Variants in PPP1R14C observed in about 807,000 individuals in gnomAD.
The protein encoded by PPP1R14C is protein phosphatase 1 regulatory subunit 14C.
Under a neutral mutation model 20.4 loss-of-function variants are expected in PPP1R14C, and 16 were observed. The observed-to-expected ratio is 0.78, with a 90% CI of 0.53 to 1.19. The LOEUF is 1.19. PPP1R14C is among the 50% of genes most tolerant of loss of function. The pLI is 0.00. For synonymous variants in PPP1R14C, 91 were observed against 91.0 expected (o/e 1.00, Z 0.00); for missense variants, 211 against 220.1 (o/e 0.96, Z 0.26).
chr6:150,147,972 G>T (rs980901044), intron 1 of PPP1R14C, among the ~76,000 whole-genome samples: 1 of 152,144 alleles, frequency 6.6e-6, no homozygotes, highest in East Asian at 1.9e-4. Flanking sequence ...GAGTCATAGG[G>T]TACCACTTAA....
chr6:150,192,830 C>A (rs1777762368), intron 1 of PPP1R14C, among the ~76,000 whole-genome samples: 1 of 152,288 alleles, frequency 6.6e-6, no homozygotes, highest in Middle Eastern at 3.4e-3. Context: ...ACCTACAGGT[C>A]TGGCTTCTTG....
intron 1 of PPP1R14C, among the ~76,000 whole-genome samples, chr6:150,206,401 G>A (rs1777951074): frequency 6.6e-6 from 1 of 152,172 alleles, no homozygotes; most frequent in South Asian, 2.1e-4. Context: ...TGCCTGGCAG[G>A]TAGTAGGTGC....
intron 1 of PPP1R14C, among the ~76,000 whole-genome samples, chr6:150,193,184 A>G (rs1164810216): frequency 2.6e-5 from 4 of 152,274 alleles, no homozygotes; most frequent in African/African-American, 7.2e-5. Context: ...CTGATTATCC[A>G]AATCACCGAG....
intron 3 of PPP1R14C, among the ~76,000 whole-genome samples, chr6:150,226,645 T>C (rs1778234040): frequency 1.3e-5 from 2 of 152,200 alleles, no homozygotes; most frequent in Non-Finnish European, 2.9e-5. Flanking sequence ...TCTCTTTTTA[T>C]AGCTGAAGAT....
chr6:150,219,135 T>G (rs576500837), intron 3 of PPP1R14C, among the ~76,000 whole-genome samples: 1 of 152,306 alleles, frequency 6.6e-6, no homozygotes, highest in African/African-American at 2.4e-5. Context: ...TAAACAAATG[T>G]TTTTCACTGT....
chr6:150,171,386 A>G (rs1220148026), intron 1 of PPP1R14C, among the ~76,000 whole-genome samples: 10 of 152,246 alleles, frequency 6.6e-5, no homozygotes, highest in East Asian at 1.9e-4. Context: ...TTGTTTGAGC[A>G]TAACAACAAT....
At chr6:150,179,675 G>A (rs1166950542) in intron 1 of PPP1R14C, among the ~76,000 whole-genome samples, 2 of 151,872 alleles carry the variant, frequency 1.3e-5, no homozygotes, top group African/African-American at 4.8e-5. Flanking sequence ...TATCCATGAA[G>A]GCTCTCTTAC....
chr6:150,233,776 CATTT>C (rs1778320351), intron 3 of PPP1R14C, among the ~76,000 whole-genome samples: 1 of 152,150 alleles, frequency 6.6e-6, no homozygotes, highest in Non-Finnish European at 1.5e-5. Context: ...AATTTGTATT[CATTT>C]ATTTTCCACC....
At chr6:150,191,019 G>T (rs1488511200) in intron 1 of PPP1R14C, among the ~76,000 whole-genome samples, 2 of 152,070 alleles carry the variant, frequency 1.3e-5, no homozygotes, top group Non-Finnish European at 2.9e-5. Flanking sequence ...TTACCTCTCT[G>T]ATCCCCTACT....
At chr6:150,150,507 C>T (rs1225968121) in intron 1 of PPP1R14C, among the ~76,000 whole-genome samples, 2 of 152,274 alleles carry the variant, frequency 1.3e-5, no homozygotes, top group African/African-American at 2.4e-5. Context: ...AACCTGGCAG[C>T]CCCTGGTCTC....
At chr6:150,200,177 T>C (rs1463042028) in intron 1 of PPP1R14C, among the ~76,000 whole-genome samples, 2 of 150,300 alleles carry the variant, frequency 1.3e-5, no homozygotes, top group Admixed American at 1.3e-4. Flanking sequence ...ATAGGATATA[T>C]ATATATACAC....
chr6:150,212,003 C>A (rs1778029063), intron 1 of PPP1R14C, among the ~76,000 whole-genome samples: 1 of 152,216 alleles, frequency 6.6e-6, no homozygotes, highest in Non-Finnish European at 1.5e-5. Flanking sequence ...TAAAACCAAG[C>A]TCAGGGTTTC....
rs967472320 is a variant in PPP1R14C, at chr6:150,249,130, A to G, written c.*310A>G. 4.8e-6 allele frequency: 2 copies of G among 414,354 alleles called. No individual in the cohort carries two copies. The highest frequency in any genetic ancestry group is 2.0e-5 in the African/African-American group (1 of 48,906). 25.7% of individuals were successfully genotyped at this position (414,354 alleles called of 1,614,324 possible). A position where few individuals can be genotyped will look rare whatever the true frequency, so the allele number is the denominator to read the frequency against. On this transcript the variant is annotated 3_prime_UTR_variant, in exon 4 of 4. Coordinates refer to ENST00000361131, the MANE Select transcript of PPP1R14C (RefSeq NM_030949.3). ...GGCCACGCCAGGCTGCGTTTCCTGC[A>G]AGGACTCAGATGTTCAGTACCTTAT...
At chr6:150,162,168 C>T (rs1317923462) in intron 1 of PPP1R14C, among the ~76,000 whole-genome samples, 2 of 151,858 alleles carry the variant, frequency 1.3e-5, no homozygotes, top group African/African-American at 4.8e-5. Context: ...GATTCTTCTG[C>T]CTCAGCCTCC....
At chr6:150,191,018 T>C (rs1264397499) in intron 1 of PPP1R14C, among the ~76,000 whole-genome samples, 3 of 152,210 alleles carry the variant, frequency 2.0e-5, no homozygotes, top group Non-Finnish European at 4.4e-5. Flanking sequence ...GTTACCTCTC[T>C]GATCCCCTAC....
chr6:150,244,837 AT>A (rs1396636469), intron 3 of PPP1R14C, among the ~76,000 whole-genome samples: 1 of 151,966 alleles, frequency 6.6e-6, no homozygotes, highest in East Asian at 1.9e-4. Flanking sequence ...TTCACAAAAT[AT>A]TTGTTTCAGG....
intron 3 of PPP1R14C, among the ~76,000 whole-genome samples, chr6:150,224,538 C>G (rs1355997686): frequency 6.6e-6 from 1 of 152,176 alleles, no homozygotes; most frequent in Non-Finnish European, 1.5e-5. Flanking sequence ...AGATTCTTTC[C>G]TCAGCTGTGT....
chr6:150,182,492 C>T (rs1213326778), intron 1 of PPP1R14C, among the ~76,000 whole-genome samples: 1 of 152,192 alleles, frequency 6.6e-6, no homozygotes, highest in Non-Finnish European at 1.5e-5. Context: ...TTCATGAGGC[C>T]TCCACTCTCA....
At chr6:150,166,261 T>C (rs1477276102) in intron 1 of PPP1R14C, among the ~76,000 whole-genome samples, 1 of 152,054 alleles carries the variant, frequency 6.6e-6, no homozygotes, top group East Asian at 1.9e-4. Flanking sequence ...TTTGTATTTT[T>C]AGTAGAGATG....
Sources: allele counts gnomAD v4.1 joint callset (sites outside exome capture counted in the v4.1 genomes callset), GRCh38; gene constraint gnomAD v4.1.1; transcripts MANE v1.5; gene names NCBI Gene and HGNC (gene_info 2026-07-23, HGNC 2026-07-21).